LRRTM4: variants seen among roughly 807,000 people sequenced by gnomAD.
The protein encoded by LRRTM4 is leucine rich repeat transmembrane neuronal 4, also known as leucine-rich repeat transmembrane neuronal protein 4.
Under a neutral mutation model 47.6 loss-of-function variants are expected in LRRTM4, and 25 were observed. That is an observed-to-expected ratio of 0.53 (90% CI 0.38 to 0.73). LRRTM4 has a LOEUF of 0.73. LRRTM4 is among the 30% of genes least tolerant of loss of function. LRRTM4 has a pLI of 0.00. For missense variants in LRRTM4, 638 were observed against 713.4 expected (o/e 0.89, Z 1.20); for synonymous variants, 311 against 269.5 (o/e 1.15, Z -1.51).
At chr2:77,056,101 T>C (rs192881396) in intron 3 of LRRTM4, among the ~76,000 whole-genome samples, 2,798 of 149,144 alleles carry the variant, frequency 0.019, 31 homozygotes, top group Non-Finnish European at 0.026. Flanking sequence ...AATGACGAGT[T>C]AATGGGTGCA....
Position 77,194,027 on chromosome 2 carries a change from C to CT in LRRTM4, c.1551+324290dup, listed in dbSNP as rs548484591. Among the ~76,000 whole-genome samples the CT allele has an allele frequency of 1.3e-4, 20 of 152,302 alleles. No homozygotes were observed. The South Asian group carries it at 3.1e-3, about 24-fold the overall frequency. On this transcript the variant is annotated intron_variant, in intron 3 of 3. Transcript: ENST00000409884. ...ATAGACAATGGCATCACCCATACAT[C>CT]TTCCAGTATTCAGTTATAGTCATCT...
In LRRTM4 at chr2:77,519,713, G is replaced by C. The variant is rs76327576; in HGVS notation, c.156C>G (p.Phe52Leu). The change falls in exon 3 of 4, where the codon TTC becomes TTG. Residue 52 changes from phenylalanine to leucine, a missense_variant. Coordinates refer to ENST00000409884, the MANE Select transcript of LRRTM4 (RefSeq NM_001134745.3). The surrounding 1 kb of genome is among the most constrained non-coding windows in gnomAD (Gnocchi z 4.6). ...GKIVYCESHA[F>L]ADIPENISGG... The stretch of plus-strand genomic sequence containing the variant: ...CAGAAATGTTCTCAGGGATATCTGC[G>C]AAAGCATGAGACTCACAGTACACAA... 7.7e-4 allele frequency: 1,235 copies of C among 1,613,336 alleles called. 18 individuals carry two copies. The African/African-American group carries it at 0.015, about 19-fold the overall frequency.
At chr2:77,026,589 T>C (rs568862784) in intron 3 of LRRTM4, among the ~76,000 whole-genome samples, 3 of 152,218 alleles carry the variant, frequency 2.0e-5, no homozygotes, top group African/African-American at 7.2e-5. Context: ...CAGATTCCAT[T>C]TTAATTTTAT....
At chr2:77,022,620 G>C (rs13403143) in intron 3 of LRRTM4, among the ~76,000 whole-genome samples, 24,029 of 152,104 alleles carry the variant, frequency 0.16, 5,191 homozygotes, top group African/African-American at 0.48. Context: ...AAACAAAGGG[G>C]CTACAGGCAC....
intron 3 of LRRTM4, among the ~76,000 whole-genome samples, chr2:77,029,046 C>CA (rs1275380644): frequency 7.6e-6 from 1 of 132,438 alleles, no homozygotes; most frequent in Admixed American, 7.7e-5. Flanking sequence ...CACACACACA[C>CA]ACACAAATAT....
chr2:77,477,887 G>A (rs1171205800), intron 3 of LRRTM4, among the ~76,000 whole-genome samples: 4 of 96,890 alleles, frequency 4.1e-5, no homozygotes, highest in African/African-American at 8.3e-5. Flanking sequence ...GAAAGAGAAA[G>A]AAAGAAAAAG....
At chr2:77,036,240 TA>T (rs1678833119) in intron 3 of LRRTM4, among the ~76,000 whole-genome samples, 1 of 151,538 alleles carries the variant, frequency 6.6e-6, no homozygotes, top group African/African-American at 2.4e-5. Flanking sequence ...AGATAAAAAA[TA>T]AAATAATTGC....
chr2:77,227,512 T>C (rs1674848082), intron 3 of LRRTM4, among the ~76,000 whole-genome samples: 1 of 151,988 alleles, frequency 6.6e-6, no homozygotes, highest in South Asian at 2.1e-4. Context: ...TGGCAATTAA[T>C]CAAGGAGTTT....
chr2:77,213,937 G>A (rs977876062), intron 3 of LRRTM4, among the ~76,000 whole-genome samples: 3 of 151,122 alleles, frequency 2.0e-5, no homozygotes, highest in African/African-American at 7.3e-5. Context: ...TTCAGCTCCT[G>A]CATTAAAAAA....
At chr2:77,083,857 T>G (rs1337317395) in intron 3 of LRRTM4, among the ~76,000 whole-genome samples, 1 of 133,254 alleles carries the variant, frequency 7.5e-6, no homozygotes, top group Non-Finnish European at 1.6e-5. Flanking sequence ...CAGGCTGGAG[T>G]GCAATGGTGA....
intron 3 of LRRTM4, among the ~76,000 whole-genome samples, chr2:77,025,642 A>C (rs575171868): frequency 1.3e-5 from 2 of 152,160 alleles, no homozygotes; most frequent in Non-Finnish European, 2.9e-5. Context: ...TAAGTGACTA[A>C]AGAAAAAGGA....
chr2:77,259,747 GCATGAT>G (rs1675867567), intron 3 of LRRTM4, among the ~76,000 whole-genome samples: 1 of 151,978 alleles, frequency 6.6e-6, no homozygotes, highest in African/African-American at 2.4e-5. Context: ...AAGATAGTGA[GCATGAT>G]TCAATACAGA....
At chr2:76,931,004 C>T (rs1558745262) in intron 3 of LRRTM4, among the ~76,000 whole-genome samples, 1 of 152,040 alleles carries the variant, frequency 6.6e-6, no homozygotes, top group South Asian at 2.1e-4. Flanking sequence ...CTGCTTGTGG[C>T]TCATAGACCT....
intron 3 of LRRTM4, among the ~76,000 whole-genome samples, chr2:76,998,084 T>C (rs949956037): frequency 2.0e-5 from 3 of 152,106 alleles, no homozygotes; most frequent in African/African-American, 7.2e-5. Context: ...ATAATAATAA[T>C]AGAAATAAAT....
At chr2:77,215,943 G>A (rs558591624) in intron 3 of LRRTM4, among the ~76,000 whole-genome samples, 10 of 152,054 alleles carry the variant, frequency 6.6e-5, no homozygotes, top group Non-Finnish European at 1.5e-4. Context: ...AAAATTCTGG[G>A]TCAGTAAGAG....
chr2:77,007,278 TAA>T (rs1379767639), intron 3 of LRRTM4, among the ~76,000 whole-genome samples: 1 of 152,022 alleles, frequency 6.6e-6, no homozygotes, highest in African/African-American at 2.4e-5. Flanking sequence ...GGATTGTGAG[TAA>T]AAAGAGGAAG....
intron 3 of LRRTM4, among the ~76,000 whole-genome samples, chr2:76,903,973 A>G (rs1029504313): frequency 3.9e-5 from 6 of 152,240 alleles, no homozygotes; most frequent in African/African-American, 1.4e-4. Context: ...GTTAGTGACT[A>G]TTCTTCAACT....
intron 3 of LRRTM4, among the ~76,000 whole-genome samples, chr2:77,441,212 A>G (rs1443409812): frequency 3.9e-5 from 6 of 152,200 alleles, no homozygotes; most frequent in Admixed American, 3.9e-4. Flanking sequence ...TTAACAATCC[A>G]CTAGAATGAA....
At chr2:76,835,325 C>T (rs1671478957) in intron 3 of LRRTM4, among the ~76,000 whole-genome samples, 1 of 151,794 alleles carries the variant, frequency 6.6e-6, no homozygotes, top group African/African-American at 2.4e-5. Context: ...CTAACATATG[C>T]ATAGATTTAT....
Sources: gnomAD v4.1 joint callset for allele counts (sites outside exome capture counted in the v4.1 genomes callset) on GRCh38, gnomAD v4.1.1 for gene constraint, Gnocchi (gnomAD v3.1) non-coding constraint, MANE v1.5 for transcripts, NCBI Gene and HGNC (gene_info 2026-07-23, HGNC 2026-07-21) for gene names.